Variants in N4BP2 observed in about 807,000 individuals in gnomAD.
N4BP2 encodes NEDD4 binding protein 2, also known as NEDD4-binding protein 2.
A neutral mutation model predicts 152.8 loss-of-function variants in N4BP2; 91 were observed. The ratio of observed to expected loss-of-function variants is 0.60; its 90% confidence interval spans 0.50 to 0.71. The LOEUF (loss-of-function observed/expected upper bound fraction) is 0.71. Among genes scored for constraint, N4BP2 ranks in the 30% least tolerant of loss-of-function variants. The pLI, the probability that N4BP2 is intolerant of heterozygous loss-of-function variation, is 0.00. For synonymous variants in N4BP2, 646 were observed against 705.3 expected, an observed-to-expected ratio of 0.92 and a Z score of 1.33; for missense variants, 1,923 against 2,059.1, an observed-to-expected ratio of 0.93 and a Z score of 1.28.
chr4:40,175,908 G>A, the N4BP2 span, among the ~76,000 whole-genome samples: 3 of 150,968 alleles, frequency 2.0e-5, no homozygotes, highest in East Asian at 5.8e-4. Context: ...GGCTAACACG[G>A]TGAAACCCCG....
chr4:40,123,499 A>G (rs550993233), intron 10 of N4BP2, among the ~76,000 whole-genome samples: 1 of 150,990 alleles, frequency 6.6e-6, no homozygotes, highest in Non-Finnish European at 1.5e-5. Context: ...TCTTTTTTCT[A>G]TTTTAGAGAC....
chr4:40,163,130 T>G (rs1721902336), downstream of N4BP2, among the ~76,000 whole-genome samples: 1 of 152,230 alleles, frequency 6.6e-6, no homozygotes, highest in South Asian at 2.1e-4. Flanking sequence ...CAGCTAACTT[T>G]GAAGCACAGG....
intron 16 of N4BP2, among the ~76,000 whole-genome samples, chr4:40,147,491 G>A (rs1312559200): frequency 2.0e-5 from 3 of 150,202 alleles, no homozygotes; most frequent in Non-Finnish European, 2.9e-5. Context: ...AGGGGCGGCC[G>A]GGCAGAGGCG....
At chr4:40,150,994 T>C (rs1721104976) in intron 16 of N4BP2, among the ~76,000 whole-genome samples, 1 of 152,226 alleles carries the variant, frequency 6.6e-6, no homozygotes, top group Non-Finnish European at 1.5e-5. Context: ...GCAGTTGAAG[T>C]ATCTGGAGTG....
the N4BP2 span, among the ~76,000 whole-genome samples, chr4:40,182,061 T>C: frequency 3.9e-5 from 6 of 152,226 alleles, no homozygotes; most frequent in Admixed American, 3.3e-4. Flanking sequence ...ATGACTACAT[T>C]CAGCTGAAAA....
At chr4:40,122,953 A>G (rs1232634283) in intron 9 of N4BP2, among the ~76,000 whole-genome samples, 174 bp from the exon 10 acceptor site, 1 of 152,276 alleles carries the variant, frequency 6.6e-6, no homozygotes, top group Non-Finnish European at 1.5e-5. Flanking sequence ...GTGTGAAGAC[A>G]GTAACATAGC....
chr4:40,075,639 G>C (rs182717075), intron 2 of N4BP2, among the ~76,000 whole-genome samples: 1 of 151,954 alleles, frequency 6.6e-6, no homozygotes, highest in Non-Finnish European at 1.5e-5. Flanking sequence ...CTTATGATTC[G>C]CCTGCCTCGG....
In N4BP2 at chr4:40,121,735, T is replaced by C. The variant is rs2109998092; in HGVS notation, c.3624T>C (p.Ala1208=). The C allele has an allele frequency of 6.2e-7, 1 of 1,614,046 alleles. No individual in the cohort carries two copies. The highest frequency in any genetic ancestry group is 2.2e-5 in the East Asian group (1 of 44,878). Residue 1208 remains alanine, a synonymous_variant, in exon 9 of 18, where the codon GCT becomes GCC. Transcript: ENST00000261435. ...ACTCAGAGCAGGCGGAAATGAGAGC[T>C]GTCACTCCTGAAAACCATGAATCGA... is the stretch of plus-strand genomic sequence containing the variant. The part of the protein sequence containing the change: ...RGNSEQAEMR[A]VTPENHESMT...
the N4BP2 span, among the ~76,000 whole-genome samples, chr4:40,176,490 T>G: frequency 4.5e-3 from 683 of 152,078 alleles, 2 homozygotes; most frequent in African/African-American, 0.016. Context: ...GAGTGGAGAG[T>G]GTATAGTTTT....
intron 16 of N4BP2, among the ~76,000 whole-genome samples, chr4:40,150,292 C>T (rs1714383): frequency 0.78 from 119,272 of 152,148 alleles, 46,961 homozygotes; most frequent in East Asian, 0.97. Context: ...AACTGACTAC[C>T]ATTTTATAGG....
intron 6 of N4BP2, 109 bp downstream of exon 6, chr4:40,112,281 A>C: frequency 2.9e-6 from 2 of 685,308 alleles, no homozygotes; most frequent in Non-Finnish European, 5.0e-6. Context: ...AACCTTGGAT[A>C]GTCTGTAAAT....
chr4:40,103,559 C>G (rs569948478), intron 4 of N4BP2, among the ~76,000 whole-genome samples: 1 of 152,186 alleles, frequency 6.6e-6, no homozygotes, highest in South Asian at 2.1e-4. Flanking sequence ...TATAATTGAT[C>G]TTGATTTCAT....
chr4:40,152,773 G>T lies in N4BP2; in HGVS notation c.5144-7G>T. 6.2e-7 allele frequency: 1 copy of T among 1,613,532 alleles called. No homozygotes were observed. Among genetic ancestry groups the T allele is most frequent in the African/African-American group, 1.3e-5 (1 of 74,998 alleles). ...AATTTTAACTCCCCTGATTTCTGTT[G>T]TAACAGAATTTAAGCAGAACGGTGG... On this transcript the variant is annotated splice_region_variant and splice_polypyrimidine_tract_variant and intron_variant, in intron 16 of 17. Coordinates refer to ENST00000261435, the MANE Select transcript of N4BP2 (RefSeq NM_018177.6).
chr4:40,083,303 T>A (rs1560578425), intron 2 of N4BP2, among the ~76,000 whole-genome samples: 1 of 151,982 alleles, frequency 6.6e-6, no homozygotes, highest in African/African-American at 2.4e-5. Context: ...AAACATAGAG[T>A]TACCGTATGA....
In N4BP2 at chr4:40,136,343, AATCTATCTATCTATCT is replaced by A. The variant is rs56276709; in HGVS notation, c.4647-564_4647-549del. ...GCCTGGTATAAAGGATTAGAAATTG[AATCTATCTATCTATCT>A]ATCTATCTATCTATCTATCTATCTA... is the stretch of plus-strand genomic sequence containing the variant. On this transcript the variant is annotated intron_variant, in intron 13 of 17. Transcript: ENST00000261435. 6.7e-4 allele frequency among the ~76,000 whole-genome samples: 92 copies of A among 136,742 alleles called. 1 individual carries two copies. The East Asian group carries it at 0.01, about 15-fold the overall frequency. 89.7% of individuals were successfully genotyped at this position (136,742 alleles called of 152,430 possible).
chr4:40,131,737 T>G, intron 12 of N4BP2, 64 bp from the exon 13 acceptor site: 2 of 1,192,948 alleles, frequency 1.7e-6, no homozygotes, highest in South Asian at 2.6e-5. Context: ...TAACCATGCC[T>G]TTGGTCAGTG....
the N4BP2 span, among the ~76,000 whole-genome samples, chr4:40,190,211 C>T: frequency 6.6e-6 from 1 of 152,146 alleles, no homozygotes; most frequent in South Asian, 2.1e-4. Flanking sequence ...TCTTGTTGTT[C>T]GCTGCTGTCT....
Position 40,112,158 on chromosome 4 carries a change from C to A in N4BP2, c.1573C>A (p.Pro525Thr), listed in dbSNP as rs750230875. ...AAACCTACAGGCATGGGAAATGAAACCATATGTTGCTTTGGTTAGTACCAT... is the reference window on the plus strand; with the variant it reads ...AAACCTACAGGCATGGGAAATGAAAACATATGTTGCTTTGGTTAGTACCAT... ...NTNLQAWEMK[P>T]YVALSQKHKY... Residue 525 changes from proline (P) to threonine (T), a missense_variant, in exon 6 of 18, where the codon CCA (proline) becomes ACA (threonine). By Grantham distance (38) the Pro-to-Thr change is conservative. Coordinates refer to ENST00000261435, the MANE Select transcript of N4BP2 (RefSeq NM_018177.6). 7.0e-6 allele frequency: 11 copies of A among 1,564,592 alleles called. No homozygotes were observed. Among genetic ancestry groups the A allele is most frequent in the Non-Finnish European group, 9.6e-6 (11 of 1,144,540 alleles).
the N4BP2 span, among the ~76,000 whole-genome samples, chr4:40,170,490 G>A: frequency 3.3e-4 from 51 of 152,250 alleles, no homozygotes; most frequent in African/African-American, 1.1e-3. Context: ...GTGGTGGTGC[G>A]TGCCTTTAGT....
Sources: allele counts gnomAD v4.1 joint callset (sites outside exome capture counted in the v4.1 genomes callset), GRCh38; gene constraint gnomAD v4.1.1; transcripts MANE v1.5; gene names NCBI Gene and HGNC (gene_info 2026-07-23, HGNC 2026-07-21).